THSD7B: variants seen among roughly 807,000 people sequenced by gnomAD.
THSD7B encodes thrombospondin type 1 domain containing 7B, also known as thrombospondin type-1 domain-containing protein 7B.
Under a neutral mutation model 213.6 loss-of-function variants are expected in THSD7B, and 138 were observed. The observed-to-expected ratio is 0.65, with a 90% CI of 0.56 to 0.74. The LOEUF is 0.74. Ranked by LOEUF, THSD7B falls within the 30% of genes least tolerant of loss-of-function variation. THSD7B has a pLI of 0.00. For missense variants in THSD7B, 1,931 were observed against 1,991.5 expected, an observed-to-expected ratio of 0.97 and a Z score of 0.58; for synonymous variants, 742 against 687.0, an observed-to-expected ratio of 1.08 and a Z score of -1.25.
rs113014330 is a variant in THSD7B at position 137,226,174 on chromosome 2, G to A, written c.1724-4870G>A. ...ATTTTATGACATGTAGAGTATTTTC[G>A]ATAACTGTTTCATTGTTTTCCATAG... On this transcript the variant is annotated intron_variant, in intron 7 of 27. Transcript: ENST00000409968. 1.1e-4 allele frequency among the ~76,000 whole-genome samples: 17 copies of A among 151,670 alleles called. 1 individual carries two copies. The highest frequency in any genetic ancestry group is 3.1e-4 in the African/African-American group (13 of 41,452).
intron 12 of THSD7B, among the ~76,000 whole-genome samples, chr2:137,397,356 C>G (rs1009673977): frequency 3.3e-5 from 5 of 151,926 alleles, no homozygotes; most frequent in Non-Finnish European, 7.4e-5. Flanking sequence ...TTAGGGCAGG[C>G]CTGGTGGTGA....
chr2:137,074,005 C>G (rs1394118147), intron 3 of THSD7B, among the ~76,000 whole-genome samples: 4 of 152,008 alleles, frequency 2.6e-5, no homozygotes, highest in Admixed American at 2.0e-4. Flanking sequence ...TTACTTCCAA[C>G]TATGTGGTCA....
chr2:137,105,244 G>A (rs762365070), intron 4 of THSD7B, among the ~76,000 whole-genome samples: 4 of 151,972 alleles, frequency 2.6e-5, no homozygotes, highest in African/African-American at 9.7e-5. Context: ...GATGCAAGGC[G>A]GATTCAACGT....
At chr2:136,924,092 C>T (rs1252557332) in intron 2 of THSD7B, among the ~76,000 whole-genome samples, 1 of 152,108 alleles carries the variant, frequency 6.6e-6, no homozygotes, top group Non-Finnish European at 1.5e-5. Context: ...TTTAACTCTT[C>T]TGTTTAGGTT....
intron 12 of THSD7B, among the ~76,000 whole-genome samples, chr2:137,311,796 G>C (rs1176877754): frequency 1.3e-5 from 2 of 150,128 alleles, no homozygotes; most frequent in African/African-American, 4.9e-5. Flanking sequence ...CTGTTTATAT[G>C]CTGGATTACA....
chr2:137,624,248 C>A (rs895080959), intron 20 of THSD7B, among the ~76,000 whole-genome samples: 2 of 152,194 alleles, frequency 1.3e-5, no homozygotes, highest in African/African-American at 4.8e-5. Context: ...TATTTAATAA[C>A]TGCTGCTGGG....
intron 1 of THSD7B, among the ~76,000 whole-genome samples, chr2:136,784,906 G>C (rs1558804206): frequency 6.6e-6 from 1 of 152,198 alleles, no homozygotes; most frequent in East Asian, 1.9e-4. Flanking sequence ...TTTTCCTCTG[G>C]CAAAACAATC....
intron 6 of THSD7B, among the ~76,000 whole-genome samples, chr2:137,161,748 G>A (rs1019117830): frequency 6.6e-6 from 1 of 152,004 alleles, no homozygotes; most frequent in African/African-American, 2.4e-5. Context: ...ACACAAATAA[G>A]TTTCCATTTA....
chr2:136,872,512 G>T (rs984502443), intron 1 of THSD7B, among the ~76,000 whole-genome samples: 1 of 151,398 alleles, frequency 6.6e-6, no homozygotes. Context: ...ATCTGAGAAC[G>T]TGATCTTTTA....
At chr2:136,920,382 C>T (rs971089083) in intron 2 of THSD7B, among the ~76,000 whole-genome samples, 6 of 152,112 alleles carry the variant, frequency 3.9e-5, no homozygotes, top group Admixed American at 2.0e-4. Context: ...AGTGAGTGTC[C>T]GGCTCTTGGC....
chr2:137,101,159 T>C (rs1688142743), intron 4 of THSD7B, among the ~76,000 whole-genome samples: 1 of 152,142 alleles, frequency 6.6e-6, no homozygotes, highest in Admixed American at 6.5e-5. Context: ...CACCTCAGCC[T>C]CCCAAGTAGC....
chr2:137,408,347 C>CT (rs57666417), intron 13 of THSD7B, among the ~76,000 whole-genome samples: 19,165 of 151,602 alleles, frequency 0.13, 1,698 homozygotes, highest in African/African-American at 0.25. Flanking sequence ...TGATCTTTTT[C>CT]TTTTTTTCAC....
At chr2:137,136,379 G>A (rs761069645) in intron 5 of THSD7B, among the ~76,000 whole-genome samples, 1 of 152,154 alleles carries the variant, frequency 6.6e-6, no homozygotes, top group Non-Finnish European at 1.5e-5. Context: ...ATATCCTTCT[G>A]TATAAAATGA....
chr2:137,021,658 A>T (rs572961540), intron 2 of THSD7B, among the ~76,000 whole-genome samples: 7 of 152,334 alleles, frequency 4.6e-5, no homozygotes, highest in African/African-American at 1.7e-4. Context: ...ACAATTGCAC[A>T]AACATGATAT....
At chr2:136,996,600 C>A (rs1464613272) in intron 2 of THSD7B, among the ~76,000 whole-genome samples, 4 of 152,132 alleles carry the variant, frequency 2.6e-5, no homozygotes, top group African/African-American at 9.7e-5. Flanking sequence ...CCTGCCTAAA[C>A]CTCCTAAAGT....
chr2:137,634,771 T>C (rs918718641), intron 20 of THSD7B, among the ~76,000 whole-genome samples: 3 of 152,182 alleles, frequency 2.0e-5, no homozygotes. Context: ...TTTACCAGTT[T>C]TGAGATTTGT....
At chr2:136,929,434 T>C (rs1482132080) in intron 2 of THSD7B, among the ~76,000 whole-genome samples, 1 of 152,184 alleles carries the variant, frequency 6.6e-6, no homozygotes, top group East Asian at 1.9e-4. Flanking sequence ...TTCTATATAG[T>C]CATTGGTCTT....
chr2:137,535,637 T>C (rs1443354135), intron 15 of THSD7B, among the ~76,000 whole-genome samples: 1 of 151,734 alleles, frequency 6.6e-6, no homozygotes, highest in Non-Finnish European at 1.5e-5. Context: ...CTTGCTAGGA[T>C]ACACCTAGGA....
chr2:137,114,978 A>G, intron 4 of THSD7B, 146 bp from the exon 5 acceptor site: 1 of 799,702 alleles, frequency 1.3e-6, no homozygotes, highest in Non-Finnish European at 1.9e-6. Context: ...TTAGTAATTC[A>G]AAGCTAGTAT....
Sources: gnomAD v4.1 joint callset for allele counts (sites outside exome capture counted in the v4.1 genomes callset) on GRCh38, gnomAD v4.1.1 for gene constraint, MANE v1.5 for transcripts, NCBI Gene and HGNC (gene_info 2026-07-23, HGNC 2026-07-21) for gene names.